Variants in ETFA observed in about 807,000 individuals in gnomAD.
ETFA encodes electron transfer flavoprotein subunit alpha, mitochondrial.
Under a neutral mutation model 46.2 loss-of-function variants are expected in ETFA, and 22 were observed. The ratio of observed to expected loss-of-function variants is 0.48; its 90% CI spans 0.34 to 0.68. The LOEUF is 0.68. Among genes scored for constraint, ETFA ranks in the 30% least tolerant of loss-of-function variants. The probability of loss-of-function intolerance (pLI) is 0.01; values close to 1 mark genes in which losing one functional copy is unlikely to be tolerated. For missense variants in ETFA, 345 were observed against 401.1 expected, an observed-to-expected ratio of 0.86 and a Z score of 1.19; for synonymous variants, 131 against 139.9, an observed-to-expected ratio of 0.94 and a Z score of 0.45.
At chr15:76,295,564 C>T (rs767602860) in intron 2 of ETFA, 27 bp downstream of exon 2, 2 of 1,597,610 alleles carry the variant, frequency 1.3e-6, no homozygotes, top group East Asian at 4.5e-5. Context: ...ATAATATTTG[C>T]TATGGCTGAC....
At chr15:76,272,813 C>CATATATATATATATAT (rs71143306) in intron 9 of ETFA, among the ~76,000 whole-genome samples, 1,786 of 137,518 alleles carry the variant, frequency 0.013, 32 homozygotes, top group Middle Eastern at 0.023. Flanking sequence ...AAAATATATA[C>CATATATATATATATAT]ATATATATAT....
At chr15:76,301,033 G>A (rs1389851374) in intron 1 of ETFA, among the ~76,000 whole-genome samples, 1 of 152,136 alleles carries the variant, frequency 6.6e-6, no homozygotes, top group Non-Finnish European at 1.5e-5. Context: ...TAACGTCTCA[G>A]TACCTCAGTT....
At chr15:76,292,850 T>C (rs2039780987) in intron 2 of ETFA, 150 bp from the exon 3 acceptor site, 3 of 704,730 alleles carry the variant, frequency 4.3e-6, no homozygotes, top group Non-Finnish European at 7.6e-6. Flanking sequence ...AATTAAAATA[T>C]ATTCCGGCCG....
intron 9 of ETFA, among the ~76,000 whole-genome samples, chr15:76,239,804 GTA>G (rs1223249509): frequency 1.4e-5 from 2 of 147,648 alleles, no homozygotes; most frequent in Admixed American, 6.7e-5. Flanking sequence ...AAAAAAAAAA[GTA>G]TTGTCAATTT....
intron 9 of ETFA, among the ~76,000 whole-genome samples, chr15:76,262,189 A>C (rs2039420840): frequency 6.6e-6 from 1 of 152,178 alleles, no homozygotes; most frequent in Non-Finnish European, 1.5e-5. Context: ...AGTGACCCTG[A>C]AAATGGACCA....
chr15:76,251,928 T>C (rs2039302430), intron 9 of ETFA, among the ~76,000 whole-genome samples: 1 of 152,222 alleles, frequency 6.6e-6, no homozygotes, highest in Admixed American at 6.5e-5. Flanking sequence ...AAAGGTATTG[T>C]TGAGGATGTC....
At chr15:76,267,036 A>G (rs529718711) in intron 9 of ETFA, among the ~76,000 whole-genome samples, 84 of 152,292 alleles carry the variant, frequency 5.5e-4, no homozygotes, top group Non-Finnish European at 9.1e-4. Context: ...TCTCTTTTCT[A>G]CTTTACAAGG....
Position 76,261,109 on chromosome 15 carries a change from T to C in ETFA, c.816+13303A>G, listed in dbSNP as rs1047641999. The C allele has an allele frequency of 4.7e-6, 7 of 1,502,576 alleles. No individual in the cohort carries two copies. The African/African-American group carries it at 9.7e-5, about 21-fold the overall frequency. The allele number at this position is 1,502,576 out of a possible 1,614,324, so 93.1% of individuals were successfully genotyped here. A position where few individuals can be genotyped will look rare whatever the true frequency, so the allele number is the denominator to read the frequency against. On this transcript the variant is annotated intron_variant, in intron 9 of 11. Coordinates refer to ENST00000557943, the MANE Select transcript of ETFA (RefSeq NM_000126.4). ...AGGCTGTGAACTTCACAGGAAAACA[T>C]GGGTGCTCTGGGTCACCCCTGTTAC...
intron 6 of ETFA, 52 bp downstream of exon 6, chr15:76,286,319 A>G: frequency 4.1e-6 from 4 of 981,536 alleles, no homozygotes; most frequent in Non-Finnish European, 4.8e-6. Flanking sequence ...AATACAGTCT[A>G]TGAATTAAAA....
intron 1 of ETFA, among the ~76,000 whole-genome samples, chr15:76,305,034 CTG>C (rs1447132149): frequency 7.1e-6 from 1 of 141,696 alleles, no homozygotes; most frequent in East Asian, 2.4e-4. Context: ...CAGTGAGACT[CTG>C]TCTCAAAAAA....
In ETFA at chr15:76,272,298, G is replaced by A. The variant is rs2039543988; in HGVS notation, c.816+2114C>T. On this transcript the variant is annotated intron_variant, in intron 9 of 11. Transcript: ENST00000557943. ...TGCAGTGGCACAATCTCGGCTCACT[G>A]CAACCTCCGCCTCCTGGGTTCAAAC... Among the ~76,000 whole-genome samples the A allele has an allele frequency of 4.7e-5, 7 of 148,452 alleles. No homozygotes were observed. The South Asian group carries it at 1.5e-3, about 31-fold the overall frequency.
intron 9 of ETFA, among the ~76,000 whole-genome samples, chr15:76,247,072 T>C (rs1291835061): frequency 6.6e-6 from 1 of 152,232 alleles, no homozygotes; most frequent in Non-Finnish European, 1.5e-5. Context: ...GAAGATCAAA[T>C]GTTGCAAAGA....
intron 4 of ETFA, among the ~76,000 whole-genome samples, chr15:76,290,561 G>A (rs1240908016): frequency 1.3e-5 from 2 of 151,590 alleles, no homozygotes; most frequent in African/African-American, 2.4e-5. Context: ...GTATTGCCCA[G>A]GCTGGGCTAC....
chr15:76,257,623 A>T (rs923982397), intron 9 of ETFA, among the ~76,000 whole-genome samples: 2 of 152,020 alleles, frequency 1.3e-5, no homozygotes, highest in African/African-American at 4.8e-5. Context: ...TTCCTCAGGG[A>T]TCTAGAACTA....
intron 9 of ETFA, among the ~76,000 whole-genome samples, chr15:76,265,065 T>C (rs1440815773): frequency 6.6e-6 from 1 of 152,142 alleles, no homozygotes; most frequent in Non-Finnish European, 1.5e-5. Context: ...TTAACAAACA[T>C]ACAGCTGTCC....
rs568725581 is a variant in ETFA, at chr15:76,297,489, T to A, written c.40-1752A>T. 1.1e-3 allele frequency among the ~76,000 whole-genome samples: 166 copies of A among 152,152 alleles called. 1 individual carries two copies. The highest frequency in any genetic ancestry group is 3.9e-3 in the African/African-American group (163 of 41,546). On this transcript the variant is annotated intron_variant, in intron 1 of 11. Transcript: ENST00000557943. Reference sequence around the variant, plus strand: ...AATATATATCCGGCATCATATTTTTTATTATGTTTCACACATCATTTGCCA... The same window carrying A: ...AATATATATCCGGCATCATATTTTTAATTATGTTTCACACATCATTTGCCA...
chr15:76,247,993 A>G (rs1290624952), intron 9 of ETFA, among the ~76,000 whole-genome samples: 1 of 152,250 alleles, frequency 6.6e-6, no homozygotes, highest in Non-Finnish European at 1.5e-5. Context: ...TTTTAGTAAT[A>G]GTCTACATCT....
chr15:76,244,773 TATTG>T (rs1213567583), intron 9 of ETFA, among the ~76,000 whole-genome samples: 1 of 152,246 alleles, frequency 6.6e-6, no homozygotes, highest in East Asian at 1.9e-4. Flanking sequence ...TGTCTACTCT[TATTG>T]ATTTTCATGT....
At chr15:76,267,208 A>G (rs1410027229) in intron 9 of ETFA, among the ~76,000 whole-genome samples, 1 of 152,238 alleles carries the variant, frequency 6.6e-6, no homozygotes, top group African/African-American at 2.4e-5. Context: ...ACAGGAGTTT[A>G]TAGTTCAACA....
Sources: allele counts gnomAD v4.1 joint callset (sites outside exome capture counted in the v4.1 genomes callset), GRCh38; gene constraint gnomAD v4.1.1; transcripts MANE v1.5; gene names NCBI Gene and HGNC (gene_info 2026-07-23, HGNC 2026-07-21).